Variants in SNRNP27 observed in about 807,000 individuals in gnomAD.
SNRNP27 encodes the protein U4/U6.U5 small nuclear ribonucleoprotein 27 kDa protein.
In SNRNP27, 22 loss-of-function variants were observed where a neutral mutation model predicts 25.1. That is an observed-to-expected ratio of 0.88 (90% CI 0.63 to 1.25). The LOEUF (loss-of-function observed/expected upper bound fraction) is 1.25, where lower values mean the gene tolerates loss of function less well. Ranked by LOEUF, SNRNP27 falls within the 50% of genes most tolerant of loss-of-function variation. SNRNP27 has a pLI of 0.00. For synonymous variants in SNRNP27, 66 were observed against 64.9 expected (o/e 1.02, Z -0.08); for missense variants, 150 against 202.3 (o/e 0.74, Z 1.57).
At chr2:69,902,919 CTCCTCCT>C in intron 4 of SNRNP27, among the ~76,000 whole-genome samples, 1 of 143,170 alleles carries the variant, frequency 7.0e-6, no homozygotes, top group African/African-American at 2.6e-5. Flanking sequence ...TTCTTCCTTT[CTCCTCCT>C]TTCTTCTTCT....
In SNRNP27 at chr2:69,903,698, T is replaced by A. The variant is rs1277242155; in HGVS notation, c.413+453T>A. 3.3e-5 allele frequency among the ~76,000 whole-genome samples: 5 copies of A among 152,324 alleles called. No homozygotes were observed. In the East Asian group the frequency reaches 9.6e-4, roughly 29 times the overall value. On this transcript the variant is annotated intron_variant, in intron 5 of 5. Coordinates refer to ENST00000244227, the MANE Select transcript of SNRNP27 (RefSeq NM_006857.3). ...ACTGAATTCTTAATGAATGAAAAAGTCAAGATATTTTCAAACATTGCCTTT... is the reference window on the plus strand; with the variant it reads ...ACTGAATTCTTAATGAATGAAAAAGACAAGATATTTTCAAACATTGCCTTT...
intron 4 of SNRNP27, among the ~76,000 whole-genome samples, chr2:69,902,230 C>T (rs965167853): frequency 2.0e-5 from 3 of 149,730 alleles, no homozygotes; most frequent in East Asian, 2.0e-4. Context: ...CCTTCCTCCT[C>T]CCTTCTTTCT....
rs564402715 is a variant in SNRNP27 at position 69,899,239 on chromosome 2, C to T, written c.348+1783C>T. 3.9e-5 allele frequency among the ~76,000 whole-genome samples: 6 copies of T among 152,200 alleles called. No individual in the cohort carries two copies. In the East Asian group the frequency reaches 1.2e-3, roughly 29 times the overall value. On this transcript the variant is annotated intron_variant, in intron 4 of 5. Transcript: ENST00000244227. ...TTTAAAATGACATCTACAAGGATGT[C>T]AATTTAGTTTATATGCAGTTGGCTT...
rs1163973593 is a variant in SNRNP27 at position 69,897,360 on chromosome 2, A to G, written c.269-17A>G. 1.9e-6 allele frequency: 3 copies of G among 1,581,652 alleles called. No homozygotes were observed. The highest frequency in any genetic ancestry group is 2.6e-6 in the Non-Finnish European group (3 of 1,152,442). On this transcript the variant is annotated splice_polypyrimidine_tract_variant and intron_variant, in intron 3 of 5. Coordinates refer to ENST00000244227, the MANE Select transcript of SNRNP27 (RefSeq NM_006857.3). ...TTTGAAATGATAGAGAGGTCACAAAATTATTCTTTTTTGCAGAGGAAGACT... is the reference window on the plus strand; with the variant it reads ...TTTGAAATGATAGAGAGGTCACAAAGTTATTCTTTTTTGCAGAGGAAGACT...
rs1332733686 is a variant in SNRNP27, at chr2:69,897,407, A to G, written c.299A>G (p.Glu100Gly). Residue 100 changes from glutamate to glycine, a missense_variant, in exon 4 of 6, where the codon GAA (glutamate) becomes GGA (glycine). Physicochemically the swap from Glu to Gly is moderately conservative, Grantham distance 98 (BLOSUM62 -2). Coordinates refer to ENST00000244227, the MANE Select transcript of SNRNP27 (RefSeq NM_006857.3). Reference protein sequence around the residue: ...EEDLEGKTEEEIEMMKLMGFA... With the variant: ...EEDLEGKTEEGIEMMKLMGFA... Reference sequence around the variant, plus strand: ...GACTTAGAGGGCAAAACAGAGGAAGAAATAGAAATGATGAAGTTAATGGGA... The same window carrying G: ...GACTTAGAGGGCAAAACAGAGGAAGGAATAGAAATGATGAAGTTAATGGGA... The G allele has an allele frequency of 6.2e-7, 1 of 1,613,548 alleles. No individual in the cohort carries two copies.
At chr2:69,899,287 A>C (rs948792554) in intron 4 of SNRNP27, among the ~76,000 whole-genome samples, 4 of 152,182 alleles carry the variant, frequency 2.6e-5, no homozygotes, top group Non-Finnish European at 5.9e-5. Context: ...TTATAACGTC[A>C]GCTCATTTGT....
At chr2:69,902,768 C>G (rs1482649725) in intron 4 of SNRNP27, among the ~76,000 whole-genome samples, 1 of 151,936 alleles carries the variant, frequency 6.6e-6, no homozygotes, top group Admixed American at 6.6e-5. Context: ...TCTGCTACTG[C>G]TGCTTCTGCT....
chr2:69,895,911 T>TA (rs1676591711), intron 2 of SNRNP27, among the ~76,000 whole-genome samples: 1 of 152,082 alleles, frequency 6.6e-6, no homozygotes, highest in Non-Finnish European at 1.5e-5. Flanking sequence ...TTCAAGTATG[T>TA]AATCAAGAAT....
At chr2:69,895,447 C>A (rs993094472) in intron 2 of SNRNP27, among the ~76,000 whole-genome samples, 12 of 152,182 alleles carry the variant, frequency 7.9e-5, no homozygotes, top group Non-Finnish European at 1.3e-4. Context: ...TGCATGCAAA[C>A]CCCAGAGCAT....
Position 69,896,496 on chromosome 2 carries a change from T to C in SNRNP27, c.216T>C (p.Asp72=). ...PSPSRLKERR[D]EEKKETKETK... is the part of the protein sequence containing the mutation. ...CTTCTCGACTGAAAGAAAGAAGAGA[T>C]GAGGAAAAGAAAGAAACAAAAGAAA... Residue 72 remains aspartate, a synonymous_variant, in exon 3 of 6, where the codon GAT becomes GAC. Transcript: ENST00000244227. 3 of 1,609,872 alleles carry C rather than the reference T, an allele frequency of 1.9e-6. No individual in the cohort carries two copies. Among genetic ancestry groups the C allele is most frequent in the Non-Finnish European group, 2.5e-6 (3 of 1,177,624 alleles).
intron 4 of SNRNP27, among the ~76,000 whole-genome samples, chr2:69,902,380 C>CCTG (rs754919093): frequency 2.0e-4 from 30 of 151,442 alleles, no homozygotes; most frequent in African/African-American, 6.8e-4. Context: ...TGCTGCTTCT[C>CCTG]CTGCTGCTGC....
chr2:69,903,879 C>T (rs1385451649), intron 5 of SNRNP27, among the ~76,000 whole-genome samples: 2 of 152,128 alleles, frequency 1.3e-5, no homozygotes, highest in African/African-American at 4.8e-5. Context: ...AGAATCATTA[C>T]AGTGTGCAAT....
chr2:69,899,341 AT>A (rs1676655125), intron 4 of SNRNP27, among the ~76,000 whole-genome samples: 1 of 152,144 alleles, frequency 6.6e-6, no homozygotes, highest in Non-Finnish European at 1.5e-5. Flanking sequence ...TCATTGATCT[AT>A]TGTGGGACCT....
At chr2:69,894,139 A>T (rs1424752274) in intron 1 of SNRNP27, 121 bp downstream of exon 1, 1 of 890,000 alleles carries the variant, frequency 1.1e-6, no homozygotes, top group Non-Finnish European at 1.8e-6. Flanking sequence ...CCAGGCGGAG[A>T]GCGAGGGGTG....
chr2:69,898,247 T>C (rs1676635540), intron 4 of SNRNP27, among the ~76,000 whole-genome samples: 1 of 97,252 alleles, frequency 1.0e-5, no homozygotes, highest in South Asian at 3.2e-4. Flanking sequence ...AGAGATGACA[T>C]TGGGCAGCTG....
intron 1 of SNRNP27, among the ~76,000 whole-genome samples, 173 bp from the exon 2 acceptor site, chr2:69,894,921 C>G (rs565266699): frequency 1.3e-5 from 2 of 149,044 alleles, no homozygotes; most frequent in African/African-American, 5.2e-5. Flanking sequence ...ACCTTGTGAT[C>G]CGCCCGCCAG....
At chr2:69,900,640 A>G (rs1370515838) in intron 4 of SNRNP27, among the ~76,000 whole-genome samples, 3 of 152,362 alleles carry the variant, frequency 2.0e-5, no homozygotes, top group Non-Finnish European at 4.4e-5. Flanking sequence ...TAAGTACACT[A>G]CACAGATAGG....
chr2:69,902,968 GATC>G (rs1676734866), intron 4 of SNRNP27, among the ~76,000 whole-genome samples: 2 of 108,784 alleles, frequency 1.8e-5, no homozygotes, highest in African/African-American at 3.9e-5. Flanking sequence ...TTTGAGACTG[GATC>G]ATGCTCAGTT....
Position 69,904,247 on chromosome 2 carries a change from A to T in SNRNP27, c.414-7A>T. 6.3e-7 allele frequency: 1 copy of T among 1,588,962 alleles called. No homozygotes were observed. Among genetic ancestry groups the T allele is most frequent in the Non-Finnish European group, 8.5e-7 (1 of 1,169,694 alleles). ...AAAAAACAATGAATTTTCTCTTCTC[A>T]TCATAGGCAGTACATGAATCGAAAA... On this transcript the variant is annotated splice_region_variant and splice_polypyrimidine_tract_variant and intron_variant, in intron 5 of 5. Transcript: ENST00000244227.
Sources: allele counts gnomAD v4.1 joint callset (sites outside exome capture counted in the v4.1 genomes callset), GRCh38; gene constraint gnomAD v4.1.1; transcripts MANE v1.5; gene names NCBI Gene and HGNC (gene_info 2026-07-23, HGNC 2026-07-21).